The following GLDC variants were observed in gnomAD, a reference collection of about 807,000 sequenced individuals.
GLDC encodes glycine dehydrogenase (decarboxylating), mitochondrial.
GLDC carries 104 observed loss-of-function variants against 121.3 expected under a neutral mutation model. The observed-to-expected ratio is 0.86, with a 90% confidence interval of 0.73 to 1.01. The LOEUF (loss-of-function observed/expected upper bound fraction) is 1.01. Ranked by LOEUF, GLDC falls within the 50% of genes least tolerant of loss-of-function variation. The pLI, the probability that GLDC is intolerant of heterozygous loss-of-function variation, is 0.00. For missense variants in GLDC, 1,429 were observed against 1,306.6 expected (o/e 1.09, Z -1.44); for synonymous variants, 546 against 480.6 (o/e 1.14, Z -1.78).
intron 2 of GLDC, among the ~76,000 whole-genome samples, chr9:6,624,037 A>C (rs1819179681): frequency 6.6e-6 from 1 of 152,238 alleles, no homozygotes; most frequent in Admixed American, 6.5e-5. Context: ...AACTGAGTTT[A>C]GCCTTTGGAA....
At chr9:6,551,937 G>A (rs769501904) in intron 20 of GLDC, among the ~76,000 whole-genome samples, 27 of 152,154 alleles carry the variant, frequency 1.8e-4, no homozygotes, top group African/African-American at 4.8e-4. Context: ...AAATGCAGAC[G>A]GCTTAAGTCC....
intron 15 of GLDC, among the ~76,000 whole-genome samples, chr9:6,577,653 T>C (rs1401134100): frequency 6.6e-6 from 1 of 152,122 alleles, no homozygotes; most frequent in Admixed American, 6.6e-5. Flanking sequence ...TAGAGACAAC[T>C]GTTTGAGTCC....
At chr9:6,585,868 G>GTGTC (rs1818260418) in intron 15 of GLDC, among the ~76,000 whole-genome samples, 3 of 116,356 alleles carry the variant, frequency 2.6e-5, no homozygotes, top group Admixed American at 8.3e-5. Context: ...ATGTATGTAT[G>GTGTC]TATCTATCTA....
rs1818631136 is a variant in GLDC, at chr9:6,602,291, G to A, written c.1059-86C>T. On this transcript the variant is annotated intron_variant, in intron 7 of 24. Coordinates refer to ENST00000321612, the MANE Select transcript of GLDC (RefSeq NM_000170.3). ...AATAGAATTACTTCTTTCCTTCCCA[G>A]CTTGAAGTGAATTCAGCAAATGCAC... is the stretch of plus-strand genomic sequence containing the variant. The A allele has an allele frequency of 4.6e-6, 4 of 869,698 alleles. No homozygotes were observed. In the East Asian group the frequency reaches 7.5e-5, roughly 16 times the overall value. The allele number at this position is 869,698 out of a possible 1,614,324, so 53.9% of individuals were successfully genotyped here.
At position 6,602,181 on chromosome 9, in the gene GLDC, A is replaced by G; in HGVS notation, c.1083T>C (p.Tyr361=). The G allele has an allele frequency of 1.2e-6, 2 of 1,612,174 alleles. No homozygotes were observed. The highest frequency in any genetic ancestry group is 8.5e-7 in the Non-Finnish European group (1 of 1,178,376). Residue 361 remains tyrosine, a synonymous_variant, in exon 8 of 25, where the codon TAT becomes TAC. Coordinates refer to ENST00000321612, the MANE Select transcript of GLDC (RefSeq NM_000170.3). ...GCTCCCTGGTTTGAAGAGCAAGACG[A>G]TACACTTCTTTCCCAGTGGCATCTC... The part of the protein sequence containing the change: ...VTRDATGKEV[Y]RLALQTREQH...
In GLDC at chr9:6,532,970, T is replaced by C; in HGVS notation, c.*47A>G. ...GAAATCTTTCTTGCTTATCAAATGCTCTGGGGAGAGGCATCAAATCAGTCC... is the reference window on the plus strand; with the variant it reads ...GAAATCTTTCTTGCTTATCAAATGCCCTGGGGAGAGGCATCAAATCAGTCC... On this transcript the variant is annotated 3_prime_UTR_variant, in exon 25 of 25. Coordinates refer to ENST00000321612, the MANE Select transcript of GLDC (RefSeq NM_000170.3). 2 of 1,383,634 alleles carry C rather than the reference T, an allele frequency of 1.4e-6. No homozygotes were observed. Among genetic ancestry groups the C allele is most frequent in the South Asian group, 1.2e-5 (1 of 86,166 alleles). The allele number at this position is 1,383,634 out of a possible 1,614,324, so 85.7% of individuals were successfully genotyped here. A position where few individuals can be genotyped will look rare whatever the true frequency, so the allele number is the denominator to read the frequency against.
At chr9:6,620,436 G>T (rs1034898100) in intron 2 of GLDC, 117 bp from the exon 3 acceptor site, 4 of 879,350 alleles carry the variant, frequency 4.5e-6, no homozygotes, top group Admixed American at 1.9e-5. Flanking sequence ...TATGGAAAAT[G>T]TAAGAGTCAT....
At chr9:6,626,260 A>C (rs1819234890) in intron 2 of GLDC, among the ~76,000 whole-genome samples, 1 of 152,180 alleles carries the variant, frequency 6.6e-6, no homozygotes, top group African/African-American at 2.4e-5. Context: ...ATAGGATCTC[A>C]CCCAAAGGAA....
In GLDC at chr9:6,645,385, T is replaced by G. The variant is rs1819723514; in HGVS notation, c.115A>C (p.Ser39Arg). 1 of 1,532,086 alleles carries G rather than the reference T, an allele frequency of 6.5e-7. No individual in the cohort carries two copies. The highest frequency in any genetic ancestry group is 2.0e-5 in the Admixed American group (1 of 49,876). The allele number at this position is 1,532,086 out of a possible 1,614,324, so 94.9% of individuals were successfully genotyped here. Residue 39 changes from serine to arginine, a missense_variant, in exon 1 of 25, where the codon AGT (serine) becomes CGT (arginine). Transcript: ENST00000321612. ...CWAPRSRDSS[S>R]GGGDSAAAGA... ...GCCGCGGCGCTGTCCCCGCCGCCAC[T>G]GCTGCTGTCCCGGCTCCGCGGCGCC...
chr9:6,622,475 C>T (rs1256561311), intron 2 of GLDC, among the ~76,000 whole-genome samples: 2 of 151,886 alleles, frequency 1.3e-5, no homozygotes, highest in East Asian at 3.9e-4. Flanking sequence ...AGCTCCTAAC[C>T]GCGAGTGATC....
intron 2 of GLDC, among the ~76,000 whole-genome samples, chr9:6,622,443 T>G (rs1220717815): frequency 6.6e-6 from 1 of 150,646 alleles, no homozygotes; most frequent in African/African-American, 2.5e-5. Flanking sequence ...GGGGTTTCCC[T>G]GTGTTGGCCG....
intron 22 of GLDC, 110 bp downstream of exon 22, chr9:6,539,941 C>T: frequency 1.2e-6 from 1 of 805,212 alleles, no homozygotes; most frequent in Non-Finnish European, 2.2e-6. Flanking sequence ...CCTGAGCTCC[C>T]CATTTATCCC....
intron 2 of GLDC, among the ~76,000 whole-genome samples, chr9:6,633,464 G>A (rs186206836): frequency 1.3e-5 from 2 of 152,058 alleles, no homozygotes; most frequent in African/African-American, 2.4e-5. Flanking sequence ...CATGTTCCAC[G>A]AATACCTCAA....
At chr9:6,534,582 A>G (rs1817077857) in intron 24 of GLDC, 126 bp downstream of exon 24, 2 of 685,146 alleles carry the variant, frequency 2.9e-6, no homozygotes, top group Admixed American at 2.0e-5. Flanking sequence ...TTCCTCTTCA[A>G]GACCCTTATT....
chr9:6,623,054 C>G (rs1216419333), intron 2 of GLDC: 32 of 181,394 alleles, frequency 1.8e-4, no homozygotes, highest in South Asian at 8.3e-4. Context: ...GCCTCTGCCC[C>G]GCCGCCCCTA....
intron 3 of GLDC, among the ~76,000 whole-genome samples, chr9:6,616,026 T>C (rs1457061739): frequency 1.3e-5 from 2 of 152,210 alleles, no homozygotes; most frequent in African/African-American, 2.4e-5. Context: ...CTCAAACTTC[T>C]GGACTCACAT....
intron 3 of GLDC, among the ~76,000 whole-genome samples, chr9:6,612,630 T>A (rs1244011736): frequency 6.6e-6 from 1 of 151,922 alleles, no homozygotes; most frequent in African/African-American, 2.4e-5. Context: ...GTTGGGAGGC[T>A]GAGGAGGCGG....
intron 2 of GLDC, among the ~76,000 whole-genome samples, chr9:6,629,929 C>CTATATATATAAATATGTATATATATA: frequency 9.8e-6 from 1 of 102,152 alleles, no homozygotes; most frequent in African/African-American, 4.8e-5. Context: ...TTGCTTTTCA[C>CTATATATATAAATATGTATATATATA]TATATATATA....
chr9:6,536,935 G>C (rs1214643365), intron 22 of GLDC, among the ~76,000 whole-genome samples: 4 of 152,062 alleles, frequency 2.6e-5, no homozygotes, highest in Non-Finnish European at 5.9e-5. Context: ...GTTTTCACAT[G>C]TAAGGTAGTG....
Sources: allele counts gnomAD v4.1 joint callset (sites outside exome capture counted in the v4.1 genomes callset), GRCh38; gene constraint gnomAD v4.1.1; transcripts MANE v1.5; gene names NCBI Gene and HGNC (gene_info 2026-07-23, HGNC 2026-07-21).